Variants in RASGRP1 observed in about 807,000 individuals in gnomAD.
RASGRP1 encodes RAS guanyl-releasing protein 1.
A neutral mutation model predicts 95.1 loss-of-function variants in RASGRP1; 37 were observed. The ratio of observed to expected loss-of-function variants is 0.39; its 90% CI spans 0.30 to 0.51. The LOEUF (loss-of-function observed/expected upper bound fraction) is 0.51. RASGRP1 is among the 20% of genes least tolerant of loss of function. The pLI is 0.80. For synonymous variants in RASGRP1, 325 were observed against 353.4 expected, an observed-to-expected ratio of 0.92 and a Z score of 0.90; for missense variants, 711 against 965.4, an observed-to-expected ratio of 0.74 and a Z score of 3.49.
At chr15:38,551,232 A>T (rs989838766) in intron 2 of RASGRP1, among the ~76,000 whole-genome samples, 4 of 152,238 alleles carry the variant, frequency 2.6e-5, no homozygotes, top group Admixed American at 2.6e-4. Context: ...GACTCTTCAA[A>T]TATATCCAAA....
intron 1 of RASGRP1, among the ~76,000 whole-genome samples, chr15:38,561,721 T>G (rs960514802): frequency 2.6e-5 from 4 of 152,226 alleles, no homozygotes; most frequent in African/African-American, 9.6e-5. Context: ...TCTGACCTGA[T>G]GCAGGTCCAG....
At chr15:38,542,835 G>GTT (rs1366840999) in intron 2 of RASGRP1, among the ~76,000 whole-genome samples, 1 of 107,190 alleles carries the variant, frequency 9.3e-6, no homozygotes, top group Non-Finnish European at 1.8e-5. Flanking sequence ...ATATATATGT[G>GTT]TATATATATA....
intron 3 of RASGRP1, among the ~76,000 whole-genome samples, chr15:38,520,942 A>T (rs1208708699): frequency 6.6e-6 from 1 of 152,174 alleles, no homozygotes; most frequent in South Asian, 2.1e-4. Flanking sequence ...TTAAAAATTA[A>T]ATTTTAATAC....
intron 2 of RASGRP1, 27 bp from the exon 3 acceptor site, chr15:38,526,431 G>A (rs1566926331): frequency 3.2e-6 from 5 of 1,587,120 alleles, no homozygotes; most frequent in Non-Finnish European, 4.3e-6. Flanking sequence ...CAGCACCTGA[G>A]TTAGGCCCTG....
At chr15:38,564,042 G>A (rs1238580058) in intron 1 of RASGRP1, among the ~76,000 whole-genome samples, 1 of 152,232 alleles carries the variant, frequency 6.6e-6, no homozygotes, top group African/African-American at 2.4e-5. Flanking sequence ...GTGAGGGGGA[G>A]AGGAGTGCAG....
At chr15:38,495,101 C>A (rs1890745679) in intron 15 of RASGRP1, among the ~76,000 whole-genome samples, 1 of 152,192 alleles carries the variant, frequency 6.6e-6, no homozygotes, top group Non-Finnish European at 1.5e-5. Context: ...AGAACAATAT[C>A]TAGACAGAAA....
At chr15:38,561,773 C>T (rs894846673) in intron 1 of RASGRP1, among the ~76,000 whole-genome samples, 1 of 152,190 alleles carries the variant, frequency 6.6e-6, no homozygotes, top group Non-Finnish European at 1.5e-5. Context: ...TCTGCTAACC[C>T]TAGGCAGTAA....
chr15:38,494,801 G>C, intron 15 of RASGRP1, 34 bp from the exon 16 acceptor site: 1 of 1,383,564 alleles, frequency 7.2e-7, no homozygotes, highest in Non-Finnish European at 9.4e-7. Flanking sequence ...TAGTACTCTA[G>C]CTCAGGAAAG....
At chr15:38,545,964 T>C (rs1893088142) in intron 2 of RASGRP1, among the ~76,000 whole-genome samples, 1 of 152,208 alleles carries the variant, frequency 6.6e-6, no homozygotes, top group Admixed American at 6.5e-5. Context: ...ATTTAAATTA[T>C]AACACTCTCT....
intron 2 of RASGRP1, among the ~76,000 whole-genome samples, chr15:38,537,639 G>A (rs995201488): frequency 1.5e-4 from 23 of 152,088 alleles, no homozygotes; most frequent in African/African-American, 5.6e-4. Context: ...ACCAAGAGGA[G>A]GGTACTAAAC....
chr15:38,528,290 CTTAT>C (rs1225029353), intron 2 of RASGRP1, among the ~76,000 whole-genome samples: 3 of 152,174 alleles, frequency 2.0e-5, no homozygotes, highest in Non-Finnish European at 4.4e-5. Flanking sequence ...TCTCTAGCTA[CTTAT>C]TTCTCTATTC....
rs1891615294 is a variant in RASGRP1, at chr15:38,513,245, TTGTTAC to T, written c.676-295_676-290del. Among the ~76,000 whole-genome samples, 3 of 152,348 alleles carry T rather than the reference TTGTTAC, an allele frequency of 2.0e-5. No homozygotes were observed. In the South Asian group the frequency reaches 6.2e-4, roughly 32 times the overall value. ...TCCAAATGCTGTATTTCAGTAGATA[TTGTTAC>T]TGACTATTCTAAATTCTAAAGAATA... On this transcript the variant is annotated intron_variant, in intron 6 of 16. Transcript: ENST00000310803.
intron 16 of RASGRP1, among the ~76,000 whole-genome samples, chr15:38,493,082 G>T (rs538009835): frequency 7.3e-5 from 11 of 151,038 alleles, no homozygotes; most frequent in African/African-American, 2.7e-4. Flanking sequence ...GGGTTTCACC[G>T]TGTTAGCCAG....
In RASGRP1 at chr15:38,507,739, A is replaced by G; in HGVS notation, c.1229T>C (p.Val410Ala). ...APPLEANKDL[V>A]HLLTLSLDLY... is the part of the protein sequence containing the mutation. The stretch of plus-strand genomic sequence containing the variant: ...TGTGAGCCTCACCGTCAGCAAGTGT[A>G]CCAAGTCCTTGTTAGCCTCCAAGGG... The change falls in exon 9 of 17, where the codon GTA (valine) becomes GCA (alanine). Residue 410 changes from valine (V) to alanine (A), a missense_variant. Physicochemically the swap from Val to Ala is moderately conservative, Grantham distance 64. Transcript: ENST00000310803. 1.9e-6 allele frequency: 3 copies of G among 1,569,324 alleles called. No homozygotes were observed. Among genetic ancestry groups the G allele is most frequent in the Non-Finnish European group, 2.6e-6 (3 of 1,156,538 alleles).
chr15:38,542,842 T>TATATGTGTATATATATATAC lies in RASGRP1; in HGVS notation c.221-16439_221-16438insGTATATATATATACACATAT, dbSNP rs1892929468. ...ATATATACATATATATGTGTATATA[T>TATATGTGTATATATATATAC]ATATATGTGTATATATATACACATA... On this transcript the variant is annotated intron_variant, in intron 2 of 16. Coordinates refer to ENST00000310803, the MANE Select transcript of RASGRP1 (RefSeq NM_005739.4). 6.3e-4 allele frequency among the ~76,000 whole-genome samples: 73 copies of TATATGTGTATATATATATAC among 115,280 alleles called. 1 individual carries two copies. The highest frequency in any genetic ancestry group is 1.2e-3 in the South Asian group (4 of 3,450). 75.6% of individuals were successfully genotyped at this position (115,280 alleles called of 152,430 possible).
Position 38,507,840 on chromosome 15 carries a change from C to T in RASGRP1, c.1128G>A (p.Gly376=). 6.2e-7 allele frequency: 1 copy of T among 1,613,542 alleles called. No homozygotes were observed. Among genetic ancestry groups the T allele is most frequent in the Non-Finnish European group, 8.5e-7 (1 of 1,179,758 alleles). The change falls in exon 9 of 17, where the codon GGG becomes GGA. Residue 376 remains glycine, a synonymous_variant. Transcript: ENST00000310803. ...CCAGTAGCTTATGGACGTTCACTTTCCCGTCCTCCAGATAGTCAGGCATGG... is the reference window on the plus strand; with the variant it reads ...CCAGTAGCTTATGGACGTTCACTTTTCCGTCCTCCAGATAGTCAGGCATGG... The part of the protein sequence containing the change: ...YEAMPDYLED[G]KVNVHKLLAL...
intron 15 of RASGRP1, among the ~76,000 whole-genome samples, chr15:38,497,562 C>G (rs890743434): frequency 3.9e-5 from 6 of 152,240 alleles, no homozygotes; most frequent in Non-Finnish European, 2.9e-5. Flanking sequence ...CCCAACAGCC[C>G]CAGTACAGCG....
At chr15:38,512,702 A>G (rs1891584641) in intron 7 of RASGRP1, 81 bp downstream of exon 7, 20 of 1,549,066 alleles carry the variant, frequency 1.3e-5, no homozygotes, top group Non-Finnish European at 1.8e-5. Flanking sequence ...AACAGCTCTA[A>G]TTAATAGACT....
chr15:38,515,910 A>AGAGAGTGTGTGTGT (rs779224083), intron 6 of RASGRP1, among the ~76,000 whole-genome samples: 1 of 143,462 alleles, frequency 7.0e-6, no homozygotes, highest in Admixed American at 6.9e-5. Flanking sequence ...AGAGAGAGAG[A>AGAGAGTGTGTGTGT]GTGTGTGTGT....
Sources: allele counts gnomAD v4.1 joint callset (sites outside exome capture counted in the v4.1 genomes callset), GRCh38; gene constraint gnomAD v4.1.1; transcripts MANE v1.5; gene names NCBI Gene and HGNC (gene_info 2026-07-23, HGNC 2026-07-21).